PGCKA1: variants seen among roughly 807,000 people sequenced by gnomAD.
PGCKA1 encodes the protein PDCD10 and GCKIII kinases-associated protein 1.
At chr4:37,507,257 G>C in the PGCKA1 span, among the ~76,000 whole-genome samples, 1 of 152,040 alleles carries the variant, frequency 6.6e-6, no homozygotes, top group South Asian at 2.1e-4. Flanking sequence ...CTTTTGATTG[G>C]AGAGTTTAGT....
chr4:37,521,534 A>T, the PGCKA1 span, among the ~76,000 whole-genome samples: 1 of 152,104 alleles, frequency 6.6e-6, no homozygotes, highest in Non-Finnish European at 1.5e-5. Context: ...GTTTTATTCT[A>T]TTGTGGTCAC....
At chr4:37,453,745 G>A in the PGCKA1 span, among the ~76,000 whole-genome samples, 2 of 152,050 alleles carry the variant, frequency 1.3e-5, no homozygotes, top group African/African-American at 4.8e-5. Context: ...CAGTGCGCCC[G>A]GGACTGCCAC....
chr4:37,561,729 C>T, the PGCKA1 span, among the ~76,000 whole-genome samples: 1 of 152,342 alleles, frequency 6.6e-6, no homozygotes, highest in Admixed American at 6.5e-5. Flanking sequence ...GAATACTGCA[C>T]AATTGCTCTC....
the PGCKA1 span, chr4:37,591,052 T>C: frequency 0.7 from 1,035,474 of 1,485,628 alleles, 369,777 homozygotes; most frequent in Non-Finnish European, 0.74. Flanking sequence ...AGCATGCAGA[T>C]GCATTTGCTC....
the PGCKA1 span, among the ~76,000 whole-genome samples, chr4:37,477,548 C>T: frequency 0.49 from 75,114 of 152,014 alleles, 19,146 homozygotes; most frequent in Admixed American, 0.56. Context: ...TTATAAGGCA[C>T]ATGAATTGTA....
chr4:37,478,815 A>C, the PGCKA1 span, among the ~76,000 whole-genome samples: 97,011 of 152,098 alleles, frequency 0.64, 32,145 homozygotes, highest in Non-Finnish European at 0.74. Context: ...TCTTTTATCA[A>C]TGATTATTTT....
chr4:37,466,847 C>T, the PGCKA1 span, among the ~76,000 whole-genome samples: 2 of 152,180 alleles, frequency 1.3e-5, no homozygotes, highest in Non-Finnish European at 2.9e-5. Flanking sequence ...CCTGTAATCC[C>T]AGCACTTTGG....
the PGCKA1 span, among the ~76,000 whole-genome samples, chr4:37,551,957 TA>T: frequency 6.6e-6 from 1 of 152,042 alleles, no homozygotes; most frequent in Non-Finnish European, 1.5e-5. Flanking sequence ...CTCCCACTAA[TA>T]AAAAGTGAGA....
the PGCKA1 span, among the ~76,000 whole-genome samples, chr4:37,454,523 G>C: frequency 6.6e-6 from 1 of 152,184 alleles, no homozygotes; most frequent in Non-Finnish European, 1.5e-5. Flanking sequence ...ATGCCCTTGG[G>C]TCCCGGTATT....
At chr4:37,492,600 C>T in the PGCKA1 span, among the ~76,000 whole-genome samples, 1 of 152,194 alleles carries the variant, frequency 6.6e-6, no homozygotes, top group Non-Finnish European at 1.5e-5. The surrounding 1 kb of genome is among the most constrained non-coding windows in gnomAD (Gnocchi z 4.7). Flanking sequence ...CCCTATGCTT[C>T]GGGCATATTT....
chr4:37,480,018 C>A, the PGCKA1 span, among the ~76,000 whole-genome samples: 1 of 152,134 alleles, frequency 6.6e-6, no homozygotes, highest in African/African-American at 2.4e-5. Flanking sequence ...GGCAATGTTA[C>A]AGTTCAAGTT....
chr4:37,489,441 A>G, the PGCKA1 span, among the ~76,000 whole-genome samples: 1 of 152,174 alleles, frequency 6.6e-6, no homozygotes, highest in African/African-American at 2.4e-5. Context: ...ACCACCCTAA[A>G]ATAGCACATT....
At chr4:37,571,428 T>C in the PGCKA1 span, among the ~76,000 whole-genome samples, 1 of 144,350 alleles carries the variant, frequency 6.9e-6, no homozygotes, top group Non-Finnish European at 1.5e-5. Context: ...AGTGGCACGA[T>C]CTTGGCTCAC....
the PGCKA1 span, among the ~76,000 whole-genome samples, chr4:37,494,450 A>G: frequency 6.6e-6 from 1 of 152,226 alleles, no homozygotes; most frequent in Non-Finnish European, 1.5e-5. Context: ...TTCAAAGGAC[A>G]TGATATTGTT....
the PGCKA1 span, among the ~76,000 whole-genome samples, chr4:37,553,815 A>C: frequency 1.2e-3 from 184 of 152,364 alleles, no homozygotes; most frequent in Non-Finnish European, 2.2e-3. Flanking sequence ...ACCTATATGC[A>C]AGTCACTGTG....
At chr4:37,592,125 C>T in the PGCKA1 span, among the ~76,000 whole-genome samples, 1 of 150,398 alleles carries the variant, frequency 6.6e-6, no homozygotes, top group Non-Finnish European at 1.5e-5. Flanking sequence ...AGGAGAATCA[C>T]TTGAACCTGG....
chr4:37,491,070 C>T, the PGCKA1 span, among the ~76,000 whole-genome samples: 2 of 152,198 alleles, frequency 1.3e-5, no homozygotes, highest in East Asian at 3.9e-4. Flanking sequence ...ATATAAAGAG[C>T]CTGCAGATTT....
the PGCKA1 span, among the ~76,000 whole-genome samples, chr4:37,539,815 T>G: frequency 6.6e-6 from 1 of 152,186 alleles, no homozygotes; most frequent in Admixed American, 6.5e-5. Flanking sequence ...TTATGAACAT[T>G]GTGTATTTTC....
the PGCKA1 span, among the ~76,000 whole-genome samples, chr4:37,523,773 T>C: frequency 1.3e-5 from 2 of 152,206 alleles, no homozygotes; most frequent in African/African-American, 4.8e-5. Flanking sequence ...CTCACAGTTC[T>C]GGAGGCTGAA....
Sources: gnomAD v4.1 joint callset for allele counts (sites outside exome capture counted in the v4.1 genomes callset) on GRCh38, gnomAD v4.1.1 for gene constraint, Gnocchi (gnomAD v3.1) non-coding constraint, MANE v1.5 for transcripts, NCBI Gene and HGNC (gene_info 2026-07-23, HGNC 2026-07-21) for gene names.